ZNF83: variants seen among roughly 807,000 people sequenced by gnomAD.
The protein encoded by ZNF83 is zinc finger protein 816B.
For synonymous variants in ZNF83, 209 were observed against 213.0 expected (o/e 0.98, Z 0.17); for missense variants, 552 against 629.9 (o/e 0.88, Z 1.32).
chr19:52,620,826 T>TGCCCC (rs2060515460), intron 2 of ZNF83, among the ~76,000 whole-genome samples: 1 of 152,204 alleles, frequency 6.6e-6, no homozygotes, highest in South Asian at 2.1e-4. Flanking sequence ...GTTTCTGCCC[T>TGCCCC]GCCCCAACTG....
intron 2 of ZNF83, among the ~76,000 whole-genome samples, chr19:52,623,168 G>A (rs937190635): frequency 3.9e-5 from 6 of 152,186 alleles, no homozygotes; most frequent in African/African-American, 1.4e-4. Context: ...TAAAGCTCTG[G>A]CCCATGGCTC....
At chr19:52,681,390 G>A (rs1190320184) in intron 1 of ZNF83, among the ~76,000 whole-genome samples, 2 of 151,508 alleles carry the variant, frequency 1.3e-5, no homozygotes, top group Non-Finnish European at 2.9e-5. Context: ...TACAAGTGGT[G>A]TCTAGAGAGG....
chr19:52,630,660 C>G (rs985725235), intron 2 of ZNF83, among the ~76,000 whole-genome samples: 3 of 152,056 alleles, frequency 2.0e-5, no homozygotes, highest in Non-Finnish European at 1.5e-5. Context: ...CCCACCTTAA[C>G]CCACAAGTAT....
intron 1 of ZNF83, among the ~76,000 whole-genome samples, chr19:52,665,985 C>T (rs1286539598): frequency 6.8e-6 from 1 of 148,014 alleles, no homozygotes; most frequent in Non-Finnish European, 1.5e-5. Context: ...AGTGAAACCC[C>T]GTCTCTACTA....
At chr19:52,612,719 C>A in exon 3 of ZNF83, 1 of 359,768 alleles carries the variant, frequency 2.8e-6, no homozygotes, top group Non-Finnish European at 5.0e-6. Flanking sequence ...TGAATTTTTG[C>A]AATATTGTAC....
intron 1 of ZNF83, among the ~76,000 whole-genome samples, chr19:52,677,331 C>T (rs796299034): frequency 3.3e-5 from 3 of 90,788 alleles, no homozygotes; most frequent in African/African-American, 8.9e-5. Context: ...AAAAAAAAAA[C>T]AAAAATTAGC....
chr19:52,656,208 G>GTCTCTC (rs56734195), intron 2 of ZNF83, among the ~76,000 whole-genome samples: 1 of 144,274 alleles, frequency 6.9e-6, no homozygotes, highest in Non-Finnish European at 1.5e-5. Flanking sequence ...GTGAGACTCC[G>GTCTCTC]TCTCTCTCTC....
intron 1 of ZNF83, among the ~76,000 whole-genome samples, chr19:52,685,731 T>C (rs191736417): frequency 6.6e-6 from 1 of 151,828 alleles, no homozygotes; most frequent in African/African-American, 2.4e-5. Flanking sequence ...ACCTTGTCTC[T>C]ACTAAAAATA....
At chr19:52,632,277 A>C (rs2060997985) in intron 2 of ZNF83, among the ~76,000 whole-genome samples, 1 of 152,220 alleles carries the variant, frequency 6.6e-6, no homozygotes, top group East Asian at 1.9e-4. Context: ...GAACGGACTA[A>C]AAGTCTTTTA....
chr19:52,617,308 G>GTT (rs1391401403), intron 2 of ZNF83: 3 of 152,252 alleles, frequency 2.0e-5, no homozygotes, highest in Non-Finnish European at 4.4e-5. Flanking sequence ...GCAGACATCG[G>GTT]TTTAGGCTGT....
intron 3 of ZNF83, among the ~76,000 whole-genome samples, chr19:52,649,692 C>T (rs2147246965): frequency 6.6e-6 from 1 of 152,138 alleles, no homozygotes; most frequent in East Asian, 1.9e-4. Context: ...AGAAAATATG[C>T]ACATTTGGAT....
intron 2 of ZNF83, among the ~76,000 whole-genome samples, chr19:52,629,388 C>T (rs974336362): frequency 5.3e-5 from 8 of 152,202 alleles, no homozygotes; most frequent in African/African-American, 1.7e-4. Context: ...CCCCAAGCAT[C>T]GCTGAGTCTT....
chr19:52,620,286 GTGTGTGTATA>G (rs112314886), intron 2 of ZNF83, among the ~76,000 whole-genome samples: 3 of 151,070 alleles, frequency 2.0e-5, no homozygotes, highest in African/African-American at 4.9e-5. Flanking sequence ...GTGTGTGTGT[GTGTGTGTATA>G]TATAGTTTCC....
At chr19:52,681,844 CCTT>C (rs1220861589) in intron 1 of ZNF83, among the ~76,000 whole-genome samples, 1 of 152,078 alleles carries the variant, frequency 6.6e-6, no homozygotes, top group East Asian at 1.9e-4. Context: ...ACTGTACAAT[CCTT>C]CTTACTATTT....
chr19:52,678,322 C>T lies in ZNF83; in HGVS notation c.-283+12121G>A, dbSNP rs142131340. On this transcript the variant is annotated intron_variant, in intron 1 of 5. Coordinates refer to the ZNF83 transcript ENST00000594682. ...AAAATTAGCCAGGCATGGTGGCAGGCGCCTATAATCCCAGTTACTTGGGAG... is the reference window on the plus strand; with the variant it reads ...AAAATTAGCCAGGCATGGTGGCAGGTGCCTATAATCCCAGTTACTTGGGAG... Among the ~76,000 whole-genome samples the T allele has an allele frequency of 9.7e-3, 1,451 of 150,114 alleles. 32 individuals carry two copies. The highest frequency in any genetic ancestry group is 0.033 in the African/African-American group (1,357 of 40,742).
At chr19:52,680,654 C>T (rs1245636998) in intron 1 of ZNF83, among the ~76,000 whole-genome samples, 2 of 134,154 alleles carry the variant, frequency 1.5e-5, no homozygotes, top group Non-Finnish European at 3.1e-5. Flanking sequence ...GCTCTGTCGC[C>T]CAGGCTGGAG....
chr19:52,631,922 A>G (rs982127040), intron 2 of ZNF83, among the ~76,000 whole-genome samples: 3 of 132,046 alleles, frequency 2.3e-5, no homozygotes, highest in Non-Finnish European at 4.8e-5. Flanking sequence ...ACTACTCCTC[A>G]GGGATTATTC....
At chr19:52,681,552 A>T (rs1015786352) in intron 1 of ZNF83, among the ~76,000 whole-genome samples, 15 of 152,196 alleles carry the variant, frequency 9.9e-5, no homozygotes, top group Non-Finnish European at 1.2e-4. Flanking sequence ...TAAGCCATAA[A>T]ATAACATACT....
chr19:52,687,463 ATAATTTATATATC>A (rs1390820510), intron 1 of ZNF83, among the ~76,000 whole-genome samples: 1 of 92,714 alleles, frequency 1.1e-5, no homozygotes, highest in African/African-American at 4.7e-5. Flanking sequence ...AATATAAATT[ATAATTTATATATC>A]TATATAAATT....
Sources: allele counts gnomAD v4.1 joint callset (sites outside exome capture counted in the v4.1 genomes callset), GRCh38; gene constraint gnomAD v4.1.1; transcripts MANE v1.5; gene names NCBI Gene and HGNC (gene_info 2026-07-23, HGNC 2026-07-21).